The following DSCAM variants were observed in gnomAD, a reference collection of about 807,000 sequenced individuals.
DSCAM encodes DS cell adhesion molecule.
In DSCAM, 47 loss-of-function variants were observed where a neutral mutation model predicts 217.7. The ratio of observed to expected loss-of-function variants is 0.22; its 90% CI spans 0.17 to 0.28. The LOEUF (loss-of-function observed/expected upper bound fraction) is 0.28. DSCAM is among the 10% of genes least tolerant of loss of function. The pLI, the probability that DSCAM is intolerant of heterozygous loss-of-function variation, is 1.00. For missense variants in DSCAM, 2,080 were observed against 2,618.3 expected (o/e 0.79, Z 4.49); for synonymous variants, 1,056 against 1,015.3 (o/e 1.04, Z -0.76).
chr21:40,474,164 G>A (rs1319589407), intron 3 of DSCAM, among the ~76,000 whole-genome samples: 1 of 151,998 alleles, frequency 6.6e-6, no homozygotes, highest in African/African-American at 2.4e-5. Flanking sequence ...GTGGTGGCAG[G>A]CGCCTGTAAT....
At chr21:40,422,892 A>T (rs1345784640) in intron 3 of DSCAM, among the ~76,000 whole-genome samples, 1 of 152,234 alleles carries the variant, frequency 6.6e-6, no homozygotes, top group Non-Finnish European at 1.5e-5. Context: ...GTCTATCCAC[A>T]TAGAATACTA....
intron 15 of DSCAM, among the ~76,000 whole-genome samples, chr21:40,178,469 T>C (rs2090757453): frequency 6.6e-6 from 1 of 152,136 alleles, no homozygotes; most frequent in Admixed American, 6.5e-5. Context: ...TTCTAGTCAA[T>C]AAAATAATCT....
intron 3 of DSCAM, among the ~76,000 whole-genome samples, chr21:40,523,636 A>G (rs1371730999): frequency 1.3e-5 from 2 of 152,270 alleles, no homozygotes; most frequent in Admixed American, 1.3e-4. Context: ...CCTTGCACTC[A>G]TTCTCCAAGC....
At chr21:40,697,205 C>T (rs34286625) in intron 2 of DSCAM, among the ~76,000 whole-genome samples, 12,382 of 152,170 alleles carry the variant, frequency 0.081, 532 homozygotes, top group Middle Eastern at 0.14. Flanking sequence ...GCATAGCAAC[C>T]TCCAGTTTCA....
At chr21:40,265,059 G>C (rs760698570) in intron 11 of DSCAM, among the ~76,000 whole-genome samples, 1 of 140,440 alleles carries the variant, frequency 7.1e-6, no homozygotes, top group Non-Finnish European at 1.5e-5. Context: ...CAGGTGTAGT[G>C]ACAGGCATCT....
Position 40,190,605 on chromosome 21 carries a change from G to C in DSCAM, c.2357-1367C>G, listed in dbSNP as rs999990079. Among the ~76,000 whole-genome samples the C allele has an allele frequency of 1.3e-5, 2 of 152,164 alleles. 1 individual carries two copies. Among genetic ancestry groups the C allele is most frequent in the Non-Finnish European group, 2.9e-5 (2 of 68,038 alleles). ...TCTCCCCTGAGAATTTATAAAACTG[G>C]CCTGACTCTACATAGGTCTGTAGTC... On this transcript the variant is annotated intron_variant, in intron 11 of 32. Transcript: ENST00000400454.
chr21:40,210,864 C>T (rs1055574540), intron 11 of DSCAM, among the ~76,000 whole-genome samples: 1 of 152,134 alleles, frequency 6.6e-6, no homozygotes, highest in African/African-American at 2.4e-5. Flanking sequence ...ATTTTTAACC[C>T]ACATTCATTT....
chr21:40,167,880 A>G (rs1056041914), intron 15 of DSCAM, among the ~76,000 whole-genome samples: 7 of 152,182 alleles, frequency 4.6e-5, no homozygotes, highest in Non-Finnish European at 8.8e-5. Context: ...CCTGGCTAAC[A>G]CGATGAAACC....
intron 1 of DSCAM, among the ~76,000 whole-genome samples, chr21:40,759,827 C>T (rs904313835): frequency 2.0e-5 from 3 of 152,170 alleles, no homozygotes; most frequent in Non-Finnish European, 4.4e-5. Context: ...TCACTGCCGC[C>T]TTCTATCTCC....
intron 21 of DSCAM, among the ~76,000 whole-genome samples, chr21:40,093,231 G>A (rs2089633456): frequency 6.6e-6 from 1 of 152,174 alleles, no homozygotes; most frequent in Non-Finnish European, 1.5e-5. Context: ...TTCACTTTAA[G>A]GAACTTTTTA....
At chr21:40,454,614 T>C (rs1459119390) in intron 3 of DSCAM, among the ~76,000 whole-genome samples, 3 of 152,166 alleles carry the variant, frequency 2.0e-5, no homozygotes, top group Non-Finnish European at 4.4e-5. Flanking sequence ...AATTCATCTT[T>C]GAAAAAAACT....
At chr21:40,142,814 C>T in intron 17 of DSCAM, 110 bp from the exon 18 acceptor site, 1 of 1,255,206 alleles carries the variant, frequency 8.0e-7, no homozygotes, top group East Asian at 2.3e-5. Context: ...AAAAATTGCA[C>T]TCAACCCCAA....
At chr21:40,381,062 CAAAAA>C (rs71186932) in intron 3 of DSCAM, among the ~76,000 whole-genome samples, 14 of 66,222 alleles carry the variant, frequency 2.1e-4, no homozygotes, top group South Asian at 6.4e-4. Context: ...GACTCCGTCT[CAAAAA>C]AAAAAAAAAA....
intron 3 of DSCAM, among the ~76,000 whole-genome samples, chr21:40,669,459 A>G (rs2090243559): frequency 6.6e-6 from 1 of 152,218 alleles, no homozygotes; most frequent in Admixed American, 6.5e-5. Flanking sequence ...AGAAATTAAC[A>G]GAACAGACCA....
At chr21:40,315,988 G>A (rs2074192336) in intron 8 of DSCAM, among the ~76,000 whole-genome samples, 1 of 152,044 alleles carries the variant, frequency 6.6e-6, no homozygotes, top group African/African-American at 2.4e-5. Context: ...ATTTTGTTTG[G>A]GAGCACATTG....
rs145909853 is a variant in DSCAM, at chr21:40,570,719, C to A, written c.508+122091G>T. ...CAAAACTCAGATGGAACTATCAGGA[C>A]GTAACTGTATGATACTAGGTAGGAA... On this transcript the variant is annotated intron_variant, in intron 3 of 32. Transcript: ENST00000400454. 2.1e-4 allele frequency among the ~76,000 whole-genome samples: 32 copies of A among 152,122 alleles called. 1 individual carries two copies. The highest frequency in any genetic ancestry group is 3.4e-3 in the Middle Eastern group (1 of 294).
intron 3 of DSCAM, among the ~76,000 whole-genome samples, chr21:40,591,888 T>A (rs919346885): frequency 6.6e-6 from 1 of 152,238 alleles, no homozygotes; most frequent in South Asian, 2.1e-4. Flanking sequence ...GAAGGAATTA[T>A]GTGTCATAGA....
intron 20 of DSCAM, among the ~76,000 whole-genome samples, chr21:40,117,686 G>A (rs182703628): frequency 7.9e-5 from 12 of 152,246 alleles, no homozygotes; most frequent in East Asian, 5.8e-4. Flanking sequence ...AGAAAATATC[G>A]GAGGGCATCA....
At chr21:40,746,472 C>G (rs966380866) in intron 1 of DSCAM, among the ~76,000 whole-genome samples, 1 of 150,462 alleles carries the variant, frequency 6.6e-6, no homozygotes, top group Admixed American at 6.6e-5. Context: ...GATATAATGA[C>G]AAAGGGATCA....
Sources: allele counts gnomAD v4.1 joint callset (sites outside exome capture counted in the v4.1 genomes callset), GRCh38; gene constraint gnomAD v4.1.1; transcripts MANE v1.5; gene names NCBI Gene and HGNC (gene_info 2026-07-23, HGNC 2026-07-21).